Variants in CSMD3 observed in about 807,000 individuals in gnomAD.
The protein encoded by CSMD3 is CUB and Sushi multiple domains 3.
In CSMD3, 177 loss-of-function variants were observed where a neutral mutation model predicts 435.2. The observed-to-expected ratio is 0.41, with a 90% CI of 0.36 to 0.46. The LOEUF is 0.46. Ranked by LOEUF, CSMD3 falls within the 20% of genes least tolerant of loss-of-function variation. The probability of loss-of-function intolerance (pLI) is 0.34; values close to 1 mark genes in which losing one functional copy is unlikely to be tolerated. For missense variants in CSMD3, 4,265 were observed against 4,504.6 expected (o/e 0.95, Z 1.52); for synonymous variants, 1,656 against 1,520.5 (o/e 1.09, Z -2.07).
intron 61 of CSMD3, among the ~76,000 whole-genome samples, chr8:112,262,548 A>G (rs764891084): frequency 4.5e-4 from 69 of 152,152 alleles, no homozygotes; most frequent in Non-Finnish European, 9.6e-4. Flanking sequence ...AGGAGAATAA[A>G]TAAAGCCTGG....
intron 1 of CSMD3, among the ~76,000 whole-genome samples, chr8:113,349,059 T>A (rs1226525572): frequency 6.6e-6 from 1 of 152,154 alleles, no homozygotes; most frequent in Non-Finnish European, 1.5e-5. Context: ...TTGGTTTTAT[T>A]CATAATCATT....
At chr8:113,301,612 T>G (rs187839420) in intron 2 of CSMD3, among the ~76,000 whole-genome samples, 192 of 152,100 alleles carry the variant, frequency 1.3e-3, no homozygotes, top group Middle Eastern at 3.4e-3. Context: ...CTATCTGTCC[T>G]GCTATATATA....
At chr8:112,476,180 G>A (rs1182991374) in intron 31 of CSMD3, among the ~76,000 whole-genome samples, 4 of 152,020 alleles carry the variant, frequency 2.6e-5, no homozygotes, top group African/African-American at 7.3e-5. Context: ...AGAGTAGCTG[G>A]AATTACAGCC....
chr8:112,236,144 A>G (rs1813575746), intron 67 of CSMD3, among the ~76,000 whole-genome samples: 2 of 152,084 alleles, frequency 1.3e-5, no homozygotes, highest in African/African-American at 4.8e-5. Context: ...AATGACACTC[A>G]AAATTCATTC....
rs535132293 is a variant in CSMD3, at chr8:112,284,960, AT to A, written c.9331+2103del. Among the ~76,000 whole-genome samples, 3 of 151,960 alleles carry A rather than the reference AT, an allele frequency of 2.0e-5. No individual in the cohort carries two copies. The South Asian group carries it at 6.2e-4, about 32-fold the overall frequency. Reference sequence around the variant, plus strand: ...AATGATACCTTAATATTTAATCATAATTTTTTATTAGTAGTTCTGTTGAATT... The same window carrying A: ...AATGATACCTTAATATTTAATCATAATTTTTATTAGTAGTTCTGTTGAATT... On this transcript the variant is annotated intron_variant, in intron 58 of 70. Transcript: ENST00000297405.
chr8:112,913,745 C>T (rs181441316), intron 10 of CSMD3, among the ~76,000 whole-genome samples: 5,050 of 151,146 alleles, frequency 0.033, 138 homozygotes, highest in Middle Eastern at 0.051. Context: ...TGGCTTTATA[C>T]TTAGTTGTCT....
chr8:112,566,117 T>C (rs2131270984), intron 24 of CSMD3, among the ~76,000 whole-genome samples: 1 of 151,310 alleles, frequency 6.6e-6, no homozygotes, highest in African/African-American at 2.4e-5. Context: ...TATATAAATA[T>C]ATAACACTTC....
intron 4 of CSMD3, among the ~76,000 whole-genome samples, chr8:113,146,377 A>G (rs1184464247): frequency 6.6e-6 from 1 of 151,632 alleles, no homozygotes; most frequent in East Asian, 2.0e-4. Flanking sequence ...TGGAGAGGTA[A>G]TAAGAGTATC....
intron 6 of CSMD3, among the ~76,000 whole-genome samples, chr8:112,986,856 A>G (rs1467428768): frequency 1.3e-5 from 2 of 152,034 alleles, no homozygotes; most frequent in Non-Finnish European, 2.9e-5. Context: ...TTATTCAGGT[A>G]ATAGAAAATA....
intron 3 of CSMD3, among the ~76,000 whole-genome samples, chr8:113,192,669 A>AT (rs995361851): frequency 1.3e-5 from 2 of 151,542 alleles, no homozygotes; most frequent in Middle Eastern, 3.4e-3. Context: ...ATATACATAT[A>AT]TTTTTTATAG....
intron 5 of CSMD3, among the ~76,000 whole-genome samples, chr8:113,067,033 AT>A (rs1222037779): frequency 3.9e-5 from 6 of 152,252 alleles, no homozygotes; most frequent in Admixed American, 6.5e-5. Context: ...GTAATTCAAG[AT>A]TGATATTTGC....
chr8:113,380,052 C>T (rs1304032045), intron 1 of CSMD3, among the ~76,000 whole-genome samples: 1 of 152,068 alleles, frequency 6.6e-6, no homozygotes, highest in African/African-American at 2.4e-5. Flanking sequence ...GCAAACTTGC[C>T]CCCATTTGCA....
chr8:113,051,345 G>C (rs553729107), intron 5 of CSMD3, among the ~76,000 whole-genome samples: 81 of 152,088 alleles, frequency 5.3e-4, no homozygotes, highest in Non-Finnish European at 9.6e-4. Flanking sequence ...TAAACTTGCT[G>C]ATATCTCCAA....
chr8:112,330,286 A>G (rs1823910298), intron 45 of CSMD3, among the ~76,000 whole-genome samples: 1 of 152,116 alleles, frequency 6.6e-6, no homozygotes, highest in African/African-American at 2.4e-5. Context: ...TACAATAATG[A>G]GTCATTATGT....
chr8:112,755,945 C>G (rs1006715223), intron 13 of CSMD3, among the ~76,000 whole-genome samples: 6 of 150,120 alleles, frequency 4.0e-5, no homozygotes, highest in African/African-American at 1.2e-4. Context: ...TTTTATATTT[C>G]TGCAACTGGT....
At chr8:112,783,424 GGGAAGGAAGGAAGGAAGGAAGGAA>G (rs1256764715) in intron 13 of CSMD3, among the ~76,000 whole-genome samples, 3 of 56,868 alleles carry the variant, frequency 5.3e-5, no homozygotes, top group Admixed American at 4.2e-4. Flanking sequence ...GAGGGAGGGA[GGGAAGGAAGGAAGGAAGGAAGGAA>G]GGAAGGAAGG....
chr8:113,250,294 A>G (rs1458763033), intron 3 of CSMD3, among the ~76,000 whole-genome samples: 1 of 152,098 alleles, frequency 6.6e-6, no homozygotes, highest in Non-Finnish European at 1.5e-5. Context: ...AGTTCATATT[A>G]TTAGAATTTA....
intron 3 of CSMD3, among the ~76,000 whole-genome samples, chr8:113,197,533 A>T (rs1468104365): frequency 2.0e-5 from 3 of 151,274 alleles, no homozygotes; most frequent in Non-Finnish European, 4.4e-5. Flanking sequence ...TCTTATATGT[A>T]TATATTATTA....
chr8:112,818,471 T>G (rs1337374720), intron 12 of CSMD3, among the ~76,000 whole-genome samples: 1 of 152,092 alleles, frequency 6.6e-6, no homozygotes, highest in Non-Finnish European at 1.5e-5. Context: ...GAATTAAACT[T>G]AAAAAGCAAA....
Sources: gnomAD v4.1 joint callset for allele counts (sites outside exome capture counted in the v4.1 genomes callset) on GRCh38, gnomAD v4.1.1 for gene constraint, MANE v1.5 for transcripts, NCBI Gene and HGNC (gene_info 2026-07-23, HGNC 2026-07-21) for gene names.